TNKS: variants seen among roughly 807,000 people sequenced by gnomAD.
The protein encoded by TNKS is tankyrase.
A neutral mutation model predicts 135.8 loss-of-function variants in TNKS; 72 were observed. The ratio of observed to expected loss-of-function variants is 0.53; its 90% CI spans 0.44 to 0.64. The LOEUF (loss-of-function observed/expected upper bound fraction) is 0.64, where lower values mean the gene tolerates loss of function less well. Ranked by LOEUF, TNKS falls within the 30% of genes least tolerant of loss-of-function variation. TNKS has a pLI of 0.00. For synonymous variants in TNKS, 849 were observed against 649.3 expected, an observed-to-expected ratio of 1.31 and a Z score of -4.68; for missense variants, 1,769 against 1,674.0, an observed-to-expected ratio of 1.06 and a Z score of -0.99.
At chr8:9,645,956 T>C (rs1246983307) in intron 3 of TNKS, among the ~76,000 whole-genome samples, 3 of 152,200 alleles carry the variant, frequency 2.0e-5, no homozygotes, top group Non-Finnish European at 2.9e-5. Context: ...CCAAGACGTT[T>C]ACTTACTATT....
chr8:9,620,599 T>G (rs775091885), intron 3 of TNKS, among the ~76,000 whole-genome samples: 2 of 152,200 alleles, frequency 1.3e-5, no homozygotes, highest in Non-Finnish European at 2.9e-5. Flanking sequence ...TGATCTTGTC[T>G]TCTACTGTAT....
chr8:9,560,797 C>T (rs1797298663), intron 1 of TNKS, among the ~76,000 whole-genome samples: 1 of 151,904 alleles, frequency 6.6e-6, no homozygotes, highest in Admixed American at 6.6e-5. Context: ...TGATTATAAA[C>T]TGGATTACCT....
rs745642077 is a variant in TNKS at position 9,720,507 on chromosome 8, C to T, written c.1883C>T (p.Ala628Val). 8.7e-6 allele frequency: 14 copies of T among 1,614,034 alleles called. No homozygotes were observed. Among genetic ancestry groups the T allele is most frequent in the Non-Finnish European group, 1.2e-5 (14 of 1,179,970 alleles). The change falls in exon 12 of 27, where the codon GCA becomes GTA. Residue 628 changes from alanine (A) to valine (V), a missense_variant. Physicochemically the swap from Ala to Val is moderately conservative, Grantham distance 64 (BLOSUM62 0). Transcript: ENST00000310430. ...SIISLQGFTA[A>V]QMGNEAVQQI... The stretch of plus-strand genomic sequence containing the variant: ...ATCTCCTTACAAGGCTTCACAGCAG[C>T]ACAGATGGGCAATGAAGCAGTGCAG...
At chr8:9,750,427 A>G (rs1806460217) in intron 18 of TNKS, among the ~76,000 whole-genome samples, 1 of 152,230 alleles carries the variant, frequency 6.6e-6, no homozygotes, top group African/African-American at 2.4e-5. Context: ...TCCAGTTGAC[A>G]AGGCAGAATT....
intron 15 of TNKS, 129 bp downstream of exon 15, chr8:9,733,573 T>G: frequency 1.3e-6 from 1 of 743,244 alleles, no homozygotes; most frequent in Non-Finnish European, 2.1e-6. Flanking sequence ...CATTTTCTAT[T>G]TCCCAGAAGA....
In TNKS at chr8:9,672,711, C is replaced by CAAAAA. The variant is rs6150458; in HGVS notation, c.995-7231_995-7227dup. On this transcript the variant is annotated intron_variant, in intron 3 of 26. Transcript: ENST00000310430. Reference sequence around the variant, plus strand: ...ACACACACACACACACACACACACACAAAAAAAAAAAAACAAACTAATATC... The same window carrying CAAAAA: ...ACACACACACACACACACACACACACAAAAAAAAAAAAAAAAAACAAACTAATATC... Among the ~76,000 whole-genome samples the CAAAAA allele has an allele frequency of 1.3e-4, 11 of 85,242 alleles. No homozygotes were observed. The South Asian group carries it at 2.3e-3, about 18-fold the overall frequency. 55.9% of individuals were successfully genotyped at this position (85,242 alleles called of 152,430 possible).
chr8:9,641,791 A>C (rs1800741563), intron 3 of TNKS, among the ~76,000 whole-genome samples: 1 of 145,958 alleles, frequency 6.9e-6, no homozygotes, highest in Admixed American at 7.2e-5. Context: ...AATTTCTGGA[A>C]TTACTGTTAG....
intron 3 of TNKS, among the ~76,000 whole-genome samples, chr8:9,677,934 T>A (rs1347438703): frequency 6.6e-6 from 1 of 152,132 alleles, no homozygotes; most frequent in Non-Finnish European, 1.5e-5. Context: ...TACTTGTCCT[T>A]CCTTCAAAAC....
intron 2 of TNKS, among the ~76,000 whole-genome samples, chr8:9,607,998 G>A (rs1445537508): frequency 6.6e-6 from 1 of 152,116 alleles, no homozygotes; most frequent in African/African-American, 2.4e-5. Context: ...GGAGTGCAGT[G>A]GTGCGATCAT....
chr8:9,746,832 A>G (rs1806259743), intron 17 of TNKS, among the ~76,000 whole-genome samples: 1 of 150,484 alleles, frequency 6.6e-6, no homozygotes, highest in Admixed American at 6.6e-5. Context: ...TTACCTCAGA[A>G]GGTGCCTACC....
At position 9,761,871 on chromosome 8, in the gene TNKS, C is replaced by G. The variant is rs77500181; in HGVS notation, c.3274+235C>G. On this transcript the variant is annotated intron_variant, in intron 21 of 26. Coordinates refer to ENST00000310430, the MANE Select transcript of TNKS (RefSeq NM_003747.3). Reference sequence around the variant, plus strand: ...CCTCAATTTTTCTGGAATCTCTGTACTTCTGTCCTTTCCCATGACTGTCAC... The same window carrying G: ...CCTCAATTTTTCTGGAATCTCTGTAGTTCTGTCCTTTCCCATGACTGTCAC... Among the ~76,000 whole-genome samples, 448 of 152,302 alleles carry G rather than the reference C, an allele frequency of 2.9e-3. 3 individuals carry two copies. The highest frequency in any genetic ancestry group is 4.9e-3 in the Non-Finnish European group (336 of 68,022).
chr8:9,685,552 C>A (rs916722470), intron 5 of TNKS, among the ~76,000 whole-genome samples: 2 of 152,114 alleles, frequency 1.3e-5, no homozygotes, highest in Non-Finnish European at 2.9e-5. Context: ...CCCTTCTCTC[C>A]ACTTAAATGT....
Position 9,751,832 on chromosome 8 carries a change from G to A in TNKS, c.3056G>A (p.Arg1019Lys), listed in dbSNP as rs1806555201. 1.9e-6 allele frequency: 3 copies of A among 1,613,460 alleles called. No homozygotes were observed. The highest frequency in any genetic ancestry group is 1.7e-6 in the Non-Finnish European group (2 of 1,179,584). The change falls in exon 19 of 27, where the codon AGG (arginine) becomes AAG (lysine). Residue 1019 changes from arginine to lysine, a missense_variant. Coordinates refer to ENST00000310430, the MANE Select transcript of TNKS (RefSeq NM_003747.3). ...NAGDGAAGTERKEGEVAGLDM... is the reference protein window; with the variant it reads ...NAGDGAAGTEKKEGEVAGLDM... The stretch of plus-strand genomic sequence containing the variant: ...GGGGATGGCGCCGCGGGAACAGAAA[G>A]GAAGGAAGGAGAAGGTGAGTAGACC...
chr8:9,750,297 A>T (rs531522925), intron 18 of TNKS, among the ~76,000 whole-genome samples: 1 of 152,196 alleles, frequency 6.6e-6, no homozygotes, highest in East Asian at 1.9e-4. Flanking sequence ...AGAGGCTGGG[A>T]ATGGTGAATA....
At position 9,600,689 on chromosome 8, in the gene TNKS, A is replaced by ATGAG. The variant is rs1452231784; in HGVS notation, c.899-14892_899-14889dup. Among the ~76,000 whole-genome samples, 7 of 152,186 alleles carry ATGAG rather than the reference A, an allele frequency of 4.6e-5. No individual in the cohort carries two copies. In the South Asian group the frequency reaches 6.2e-4, roughly 14 times the overall value. On this transcript the variant is annotated intron_variant, in intron 2 of 26. Transcript: ENST00000310430. ...TACTTGGAAAAAAAAGTTACATGTA[A>ATGAG]TGAGACACATAGTTCACTGGGGTGA...
intron 3 of TNKS, among the ~76,000 whole-genome samples, chr8:9,624,482 C>G (rs549623809): frequency 6.7e-4 from 102 of 152,136 alleles, no homozygotes; most frequent in African/African-American, 2.2e-3. Flanking sequence ...AAAAGAAGTC[C>G]CTTGTACCCT....
At chr8:9,567,572 C>A (rs547605594) in intron 1 of TNKS, among the ~76,000 whole-genome samples, 15 of 152,122 alleles carry the variant, frequency 9.9e-5, no homozygotes, top group African/African-American at 3.6e-4. Context: ...CCCGCCACCA[C>A]GCCCGGCTAA....
chr8:9,668,796 T>C (rs1362411071), intron 3 of TNKS, among the ~76,000 whole-genome samples: 1 of 151,888 alleles, frequency 6.6e-6, no homozygotes, highest in African/African-American at 2.4e-5. Flanking sequence ...TGATGTAGAG[T>C]TGATAGTGTG....
chr8:9,622,500 C>T (rs1450632358), intron 3 of TNKS, among the ~76,000 whole-genome samples: 1 of 152,144 alleles, frequency 6.6e-6, no homozygotes, highest in Admixed American at 6.5e-5. Context: ...CTTCTAAGTT[C>T]ACAGAACCAT....
Sources: gnomAD v4.1 joint callset for allele counts (sites outside exome capture counted in the v4.1 genomes callset) on GRCh38, gnomAD v4.1.1 for gene constraint, MANE v1.5 for transcripts, NCBI Gene and HGNC (gene_info 2026-07-23, HGNC 2026-07-21) for gene names.